KDM4B: variants seen among roughly 807,000 people sequenced by gnomAD.
KDM4B encodes the protein lysine-specific demethylase 4B.
A neutral mutation model predicts 125.2 loss-of-function variants in KDM4B; 32 were observed. The observed-to-expected ratio is 0.26, with a 90% confidence interval of 0.19 to 0.34. KDM4B has a LOEUF of 0.34. KDM4B is among the 10% of genes least tolerant of loss of function. The pLI is 1.00. For missense variants in KDM4B, 1,190 were observed against 1,577.7 expected (o/e 0.75, Z 4.16); for synonymous variants, 721 against 677.9 (o/e 1.06, Z -0.99).
chr19:5,055,007 G>T (rs1352594785), intron 6 of KDM4B, among the ~76,000 whole-genome samples: 1 of 152,196 alleles, frequency 6.6e-6, no homozygotes, highest in Non-Finnish European at 1.5e-5. Flanking sequence ...CTCACACTGG[G>T]GCGTCCACAG....
chr19:5,024,205 G>C (rs1247056400), intron 2 of KDM4B, among the ~76,000 whole-genome samples: 1 of 152,126 alleles, frequency 6.6e-6, no homozygotes, highest in Non-Finnish European at 1.5e-5. Context: ...TGGGGTCAAG[G>C]AGAGTCCTCA....
At chr19:4,985,390 G>A (rs886559912) in intron 1 of KDM4B, among the ~76,000 whole-genome samples, 2 of 152,172 alleles carry the variant, frequency 1.3e-5, no homozygotes, top group African/African-American at 4.8e-5. Flanking sequence ...GTCATCTCCA[G>A]TGAGCTTCCG....
At chr19:5,056,016 G>A (rs539361294) in intron 6 of KDM4B, among the ~76,000 whole-genome samples, 2 of 152,260 alleles carry the variant, frequency 1.3e-5, no homozygotes, top group Admixed American at 1.3e-4. Flanking sequence ...ACCCATCCGG[G>A]TCCCACGTGA....
intron 11 of KDM4B, among the ~76,000 whole-genome samples, chr19:5,129,399 C>T (rs551857147): frequency 6.6e-6 from 1 of 152,264 alleles, no homozygotes; most frequent in South Asian, 2.1e-4. Context: ...TCAGCGCTTA[C>T]CACTGGTCCT....
Position 5,131,151 on chromosome 19 carries a change from C to G in KDM4B, c.1391C>G (p.Pro464Arg), listed in dbSNP as rs763425543. The G allele has an allele frequency of 2.0e-5, 31 of 1,555,018 alleles. No homozygotes were observed. The African/African-American group carries it at 3.8e-4, about 19-fold the overall frequency. The stretch of plus-strand genomic sequence containing the variant: ...AAGAAGAGCTTCGGCCTGCTGCCCC[C>G]ACAGCTGCCGCCCCCGCCTGCTCAC... Reference protein sequence around the residue: ...RKKKSFGLLPPQLPPPPAHFP... With the variant: ...RKKKSFGLLPRQLPPPPAHFP... The change falls in exon 12 of 23, where the codon CCA becomes CGA. Residue 464 changes from proline to arginine, a missense_variant. Physicochemically the swap from Pro to Arg is moderately radical, Grantham distance 103. This residue lies in a region of KDM4B where 428 missense variants were observed against 405.1 expected (regional missense o/e 1.06). Transcript: ENST00000159111.
In KDM4B at chr19:5,108,188, A is replaced by G. The variant is rs892896067; in HGVS notation, c.919-2434A>G. On this transcript the variant is annotated intron_variant, in intron 9 of 22. Transcript: ENST00000159111. ...TGCTTTTTTTAATTAAGGAAAAGCA[A>G]TTGCAAAGCCGCTCAATACAAATCC... Among the ~76,000 whole-genome samples the G allele has an allele frequency of 9.2e-5, 14 of 152,356 alleles. No individual in the cohort carries two copies. In the South Asian group the frequency reaches 1.2e-3, roughly 14 times the overall value.
intron 6 of KDM4B, among the ~76,000 whole-genome samples, chr19:5,056,531 G>A (rs183189404): frequency 3.3e-5 from 5 of 151,416 alleles, no homozygotes; most frequent in African/African-American, 4.9e-5. Flanking sequence ...TCAGCCTCAC[G>A]AGTAGCTGAG....
intron 1 of KDM4B, among the ~76,000 whole-genome samples, chr19:4,981,338 G>A (rs1018177603): frequency 3.9e-5 from 6 of 152,076 alleles, no homozygotes; most frequent in African/African-American, 7.2e-5. Flanking sequence ...GTGTCACCCC[G>A]CTGTCTGGTT....
At chr19:5,029,752 A>G (rs58801720) in intron 2 of KDM4B, among the ~76,000 whole-genome samples, 3 of 152,230 alleles carry the variant, frequency 2.0e-5, no homozygotes, top group Non-Finnish European at 4.4e-5. Context: ...GCTTGAGCCC[A>G]GGAGGTTGAG....
chr19:5,065,760 G>A (rs549836425), intron 6 of KDM4B, among the ~76,000 whole-genome samples: 5 of 152,182 alleles, frequency 3.3e-5, no homozygotes, highest in Non-Finnish European at 5.9e-5. Context: ...TGAGCTGCCC[G>A]CCATCCATCC....
intron 9 of KDM4B, among the ~76,000 whole-genome samples, chr19:5,095,753 A>C (rs900456220): frequency 6.6e-6 from 1 of 152,174 alleles, no homozygotes; most frequent in South Asian, 2.1e-4. Context: ...GCCTGCTAGG[A>C]GGAGGGAGAG....
intron 1 of KDM4B, among the ~76,000 whole-genome samples, chr19:5,006,732 C>T (rs906634146): frequency 2.6e-5 from 4 of 151,312 alleles, no homozygotes; most frequent in African/African-American, 7.3e-5. Flanking sequence ...GAGATCATGC[C>T]GTTGCACTCC....
At chr19:5,090,362 C>CT (rs2038652163) in intron 9 of KDM4B, among the ~76,000 whole-genome samples, 2 of 139,112 alleles carry the variant, frequency 1.4e-5, no homozygotes, top group African/African-American at 5.6e-5. Flanking sequence ...CTCTCTCTCT[C>CT]CTCATCTCTC....
At chr19:5,150,233 A>T in intron 21 of KDM4B, 125 bp from the exon 22 acceptor site, 2 of 652,268 alleles carry the variant, frequency 3.1e-6, no homozygotes, top group East Asian at 2.7e-5. Context: ...GCTTGGCTGC[A>T]TGTGGCCTCT....
At position 5,115,946 on chromosome 19, in the gene KDM4B, G is replaced by A. The variant is rs932106375; in HGVS notation, c.1116-3707G>A. Among the ~76,000 whole-genome samples the A allele has an allele frequency of 3.3e-5, 5 of 152,060 alleles. No individual in the cohort carries two copies. The highest frequency in any genetic ancestry group is 2.0e-4 in the Admixed American group (3 of 15,260). ...AGTTTCAGAAAAAGAAAAGTGTCCC[G>A]GGACCCAAAGGCTTTGCATTTCCAG... On this transcript the variant is annotated intron_variant, in intron 10 of 22. Transcript: ENST00000159111. The surrounding 1 kb of genome is among the most constrained non-coding windows in gnomAD (Gnocchi z 4.2).
Position 5,067,544 on chromosome 19 carries a change from C to T in KDM4B, c.627-3466C>T, listed in dbSNP as rs185710664. Reference sequence around the variant, plus strand: ...TCTAGAGGGTGAGAGGTGGTCAGCCCTTGCGGGGTCCCGGGGAGGTTGACA... The same window carrying T: ...TCTAGAGGGTGAGAGGTGGTCAGCCTTTGCGGGGTCCCGGGGAGGTTGACA... On this transcript the variant is annotated intron_variant, in intron 6 of 22. Transcript: ENST00000159111. Among the ~76,000 whole-genome samples the T allele has an allele frequency of 7.6e-3, 1,146 of 151,078 alleles. 49 individuals are homozygous for T. Among genetic ancestry groups the T allele is most frequent in the Admixed American group, 0.066 (998 of 15,194 alleles).
In KDM4B at chr19:5,151,645, A is replaced by G; in HGVS notation, c.*134A>G. 1 of 777,774 alleles carries G rather than the reference A, an allele frequency of 1.3e-6. No homozygotes were observed. Among genetic ancestry groups the G allele is most frequent in the African/African-American group, 1.8e-5 (1 of 55,136 alleles). 48.2% of individuals were successfully genotyped at this position (777,774 alleles called of 1,614,324 possible). A position where few individuals can be genotyped will look rare whatever the true frequency, so the allele number is the denominator to read the frequency against. On this transcript the variant is annotated 3_prime_UTR_variant, in exon 23 of 23. Transcript: ENST00000159111. ...CACCTCCAAGCCGCGGGTGCCCCCT[A>G]GGGCGACAGGAGCCAGCGGGACGCC...
intron 16 of KDM4B, 85 bp from the exon 17 acceptor site, chr19:5,137,536 G>C: frequency 7.1e-7 from 1 of 1,399,286 alleles, no homozygotes; most frequent in South Asian, 1.2e-5. Flanking sequence ...CCGTGGGCTG[G>C]GGACGGTTGG....
At chr19:5,073,063 T>A (rs2037998050) in intron 7 of KDM4B, among the ~76,000 whole-genome samples, 1 of 152,180 alleles carries the variant, frequency 6.6e-6, no homozygotes, top group African/African-American at 2.4e-5. Context: ...TGACATCGGA[T>A]CACCCGGATA....
Sources: allele counts gnomAD v4.1 joint callset (sites outside exome capture counted in the v4.1 genomes callset), GRCh38; gene constraint gnomAD v4.1.1; regional missense constraint gnomAD v4.1.1; non-coding constraint Gnocchi (gnomAD v3.1); transcripts MANE v1.5; gene names NCBI Gene and HGNC (gene_info 2026-07-23, HGNC 2026-07-21).